Variants in MRC2 observed in about 807,000 individuals in gnomAD.
MRC2 encodes the protein mannose receptor C-type 2, also known as C-type mannose receptor 2.
Under a neutral mutation model 206.2 loss-of-function variants are expected in MRC2, and 84 were observed. The observed-to-expected ratio is 0.41, with a 90% CI of 0.34 to 0.49. MRC2 has a LOEUF of 0.49. MRC2 is among the 20% of genes least tolerant of loss of function. The pLI is 0.31. For synonymous variants in MRC2, 798 were observed against 800.0 expected (o/e 1.00, Z 0.04); for missense variants, 1,676 against 2,001.5 (o/e 0.84, Z 3.10).
intron 26 of MRC2, 120 bp from the exon 27 acceptor site, chr17:62,690,522 A>G: frequency 6.8e-7 from 1 of 1,460,826 alleles, no homozygotes; most frequent in Non-Finnish European, 9.2e-7. Context: ...ACACACATGA[A>G]TCCACAGACT....
chr17:62,671,815 C>G lies in MRC2; in HGVS notation c.1284C>G (p.Phe428Leu), dbSNP rs2088829878. 1.2e-6 allele frequency: 2 copies of G among 1,602,186 alleles called. No individual in the cohort carries two copies. The highest frequency in any genetic ancestry group is 1.7e-6 in the Non-Finnish European group (2 of 1,172,186). The change falls in exon 7 of 30, where the codon TTC becomes TTG. Residue 428 changes from phenylalanine to leucine, a missense_variant. Around this residue, in one of 3 missense-constraint regions of MRC2, gnomAD observed 1,354 missense variants for 1,636.6 expected, o/e 0.83. Coordinates refer to ENST00000303375, the MANE Select transcript of MRC2 (RefSeq NM_006039.5). The surrounding 1 kb of genome is among the most constrained non-coding windows in gnomAD (Gnocchi z 4.5). ...VSIHSMAELE[F>L]ITKQIKQEVE... Reference sequence around the variant, plus strand: ...TCCACAGCATGGCGGAGCTGGAATTCATCACCAAGCAGATCAAGCAAGGTG... The same window carrying G: ...TCCACAGCATGGCGGAGCTGGAATTGATCACCAAGCAGATCAAGCAAGGTG...
rs1599001808 is a variant in MRC2, at chr17:62,692,629, G to A, written c.*178G>A. The A allele has an allele frequency of 7.6e-6, 5 of 658,290 alleles. No individual in the cohort carries two copies. The highest frequency in any genetic ancestry group is 1.8e-5 in the African/African-American group (1 of 54,896). The allele number at this position is 658,290 out of a possible 1,614,324, so 40.8% of individuals were successfully genotyped here. On this transcript the variant is annotated 3_prime_UTR_variant, in exon 30 of 30. Transcript: ENST00000303375. This position sits in a 1 kb window ranked among gnomAD's most constrained non-coding sequence, Gnocchi z 4.2. Reference sequence around the variant, plus strand: ...TGGTGGGGTGCCACCCTCCCACAAGGGCTGGGCTGAGACCCAGCTGAGTGC... The same window carrying A: ...TGGTGGGGTGCCACCCTCCCACAAGAGCTGGGCTGAGACCCAGCTGAGTGC...
intron 1 of MRC2, among the ~76,000 whole-genome samples, chr17:62,632,184 A>G (rs527273692): frequency 2.6e-5 from 4 of 152,216 alleles, no homozygotes; most frequent in African/African-American, 9.6e-5. Flanking sequence ...AGGGCTGTCC[A>G]GTGGCACCTG....
Position 62,675,693 on chromosome 17 carries a change from G to C in MRC2, c.1570-97G>C, listed in dbSNP as rs2088882547. ...CCCCTCCGTCCTGAGCACGTTCAGT[G>C]ATGTCCCTGATGGCATCTCCCACCA... On this transcript the variant is annotated intron_variant, in intron 9 of 29. Transcript: ENST00000303375. The surrounding 1 kb of genome is among the most constrained non-coding windows in gnomAD (Gnocchi z 4.1). The C allele has an allele frequency of 4.2e-6, 4 of 943,126 alleles. No homozygotes were observed. The highest frequency in any genetic ancestry group is 4.2e-5 in the South Asian group (3 of 70,882). 58.4% of individuals were successfully genotyped at this position (943,126 alleles called of 1,614,324 possible). A position where few individuals can be genotyped will look rare whatever the true frequency, so the allele number is the denominator to read the frequency against.
At chr17:62,669,723 A>T (rs1481502635) in intron 6 of MRC2, among the ~76,000 whole-genome samples, 1 of 146,264 alleles carries the variant, frequency 6.8e-6, no homozygotes, top group African/African-American at 2.5e-5. Context: ...CGCCCGGCTA[A>T]TTTTTTTGTA....
At chr17:62,682,091 T>G in intron 19 of MRC2, 144 bp from the exon 20 acceptor site, 1 of 1,115,638 alleles carries the variant, frequency 9.0e-7, no homozygotes, top group Non-Finnish European at 1.3e-6. Flanking sequence ...GTCTCCATGG[T>G]CCAGAAGACT....
At chr17:62,685,981 C>T (rs370860366) in intron 20 of MRC2, among the ~76,000 whole-genome samples, 1 of 152,192 alleles carries the variant, frequency 6.6e-6, no homozygotes, top group South Asian at 2.1e-4. Flanking sequence ...CAGCTGTCCC[C>T]AACCTTTTTG....
chr17:62,690,642 C>A lies in MRC2; in HGVS notation c.3893C>A (p.Ala1298Glu). 1 of 1,598,446 alleles carries A rather than the reference C, an allele frequency of 6.3e-7. No individual in the cohort carries two copies. Among genetic ancestry groups the A allele is most frequent in the Non-Finnish European group, 8.5e-7 (1 of 1,172,752 alleles). The change falls in exon 27 of 30, where the codon GCG becomes GAG. Residue 1298 changes from alanine to glutamate, a missense_variant and splice_region_variant. This residue lies in a region of MRC2 where 1,354 missense variants were observed against 1,636.6 expected (regional missense o/e 0.83). Transcript: ENST00000303375. Reference sequence around the variant, plus strand: ...TGACGTGGGCCTTCTTTGCATCCAGCGGGTGGGGCCGTCCTGTCTATCCTG... The same window carrying A: ...TGACGTGGGCCTTCTTTGCATCCAGAGGGTGGGGCCGTCCTGTCTATCCTG... ...HKEARQRCQR[A>E]GGAVLSILDE...
chr17:62,627,976 C>G, intron 1 of MRC2, 56 bp downstream of exon 1: 2 of 1,211,486 alleles, frequency 1.7e-6, no homozygotes, highest in Non-Finnish European at 2.2e-6. Context: ...AGCGCCGAGG[C>G]GCGGGCCGCT....
intron 1 of MRC2, among the ~76,000 whole-genome samples, chr17:62,632,651 C>A (rs1488717882): frequency 6.6e-6 from 1 of 152,116 alleles, no homozygotes; most frequent in Non-Finnish European, 1.5e-5. Flanking sequence ...ACCCTTCCTT[C>A]GAGACTCAAG....
At chr17:62,668,361 A>G (rs1568062346) in intron 6 of MRC2, among the ~76,000 whole-genome samples, 1 of 141,028 alleles carries the variant, frequency 7.1e-6, no homozygotes, top group African/African-American at 2.7e-5. Context: ...TGCCTCAAAA[A>G]ATAAATAAAT....
Position 62,680,054 on chromosome 17 carries a change from C to A in MRC2, c.2299-116C>A, listed in dbSNP as rs1345676009. 1.0e-5 allele frequency: 16 copies of A among 1,537,208 alleles called. No individual in the cohort carries two copies. The East Asian group carries it at 3.4e-4, about 33-fold the overall frequency. On this transcript the variant is annotated intron_variant, in intron 14 of 29. Coordinates refer to ENST00000303375, the MANE Select transcript of MRC2 (RefSeq NM_006039.5). This position sits in a 1 kb window ranked among gnomAD's most constrained non-coding sequence, Gnocchi z 4.8. ...GAAAGCAGGTCCGAGAGGGGTCACC[C>A]GGCCCCCGGTGAGAATTCGCAGCTC... is the stretch of plus-strand genomic sequence containing the variant.
Position 62,692,538 on chromosome 17 carries a change from A to G in MRC2, c.*87A>G. 1 of 1,366,408 alleles carries G rather than the reference A, an allele frequency of 7.3e-7. No homozygotes were observed. The highest frequency in any genetic ancestry group is 1.0e-6 in the Non-Finnish European group (1 of 1,003,192). 84.6% of individuals were successfully genotyped at this position (1,366,408 alleles called of 1,614,324 possible). A position where few individuals can be genotyped will look rare whatever the true frequency, so the allele number is the denominator to read the frequency against. On this transcript the variant is annotated 3_prime_UTR_variant, in exon 30 of 30. Transcript: ENST00000303375. The surrounding 1 kb of genome is among the most constrained non-coding windows in gnomAD (Gnocchi z 4.2). ...CTGGCCCCCCACCAGCTGCCTGTCCAGTTGGCCTATGGAAGGGTGCCCTTG... is the reference window on the plus strand; with the variant it reads ...CTGGCCCCCCACCAGCTGCCTGTCCGGTTGGCCTATGGAAGGGTGCCCTTG...
chr17:62,668,390 A>T (rs912301056), intron 6 of MRC2, among the ~76,000 whole-genome samples: 92 of 146,296 alleles, frequency 6.3e-4, no homozygotes, highest in East Asian at 5.5e-3. Flanking sequence ...AAATAAATTT[A>T]AAAAAAAAAA....
Position 62,667,514 on chromosome 17 carries a change from G to C in MRC2, c.1098G>C (p.Thr366=). The part of the protein sequence containing the change: ...PYVCKKKPNA[T]AEPTPPDRWA... ...TGTGCAAGAAGAAGCCCAACGCCAC[G>C]GCCGAGCCCACCCCTCCAGGTGAGC... The change falls in exon 6 of 30, where the codon ACG becomes ACC. Residue 366 remains threonine (T), a synonymous_variant. Coordinates refer to ENST00000303375, the MANE Select transcript of MRC2 (RefSeq NM_006039.5). The surrounding 1 kb of genome is among the most constrained non-coding windows in gnomAD (Gnocchi z 4.1). 9.3e-6 allele frequency: 15 copies of C among 1,611,032 alleles called. No individual in the cohort carries two copies. The South Asian group carries it at 1.5e-4, about 17-fold the overall frequency.
intron 1 of MRC2, among the ~76,000 whole-genome samples, chr17:62,663,941 G>A (rs935389015): frequency 1.3e-5 from 2 of 151,644 alleles, no homozygotes; most frequent in African/African-American, 2.4e-5. Context: ...GTGATGTGCC[G>A]GGTGGAGTTG....
chr17:62,686,660 A>C (rs1421247449), intron 20 of MRC2, among the ~76,000 whole-genome samples: 1 of 152,100 alleles, frequency 6.6e-6, no homozygotes, highest in Non-Finnish European at 1.5e-5. Flanking sequence ...ACCCCTTAAT[A>C]CACTTGCACA....
intron 12 of MRC2, 73 bp downstream of exon 12, chr17:62,677,559 C>T (rs1460053586): frequency 2.3e-6 from 3 of 1,330,412 alleles, no homozygotes; most frequent in Admixed American, 2.4e-5. Flanking sequence ...ATGGAGGTCC[C>T]AGTGGGACCA....
At chr17:62,669,696 G>GC (rs1362354841) in intron 6 of MRC2, among the ~76,000 whole-genome samples, 1 of 151,544 alleles carries the variant, frequency 6.6e-6, no homozygotes, top group African/African-American at 2.4e-5. Context: ...GGGATTATAG[G>GC]CATGAGTGTG....
Sources: allele counts gnomAD v4.1 joint callset (sites outside exome capture counted in the v4.1 genomes callset), GRCh38; gene constraint gnomAD v4.1.1; regional missense constraint gnomAD v4.1.1; non-coding constraint Gnocchi (gnomAD v3.1); transcripts MANE v1.5; gene names NCBI Gene and HGNC (gene_info 2026-07-23, HGNC 2026-07-21).